CACNA1I: variants seen among roughly 807,000 people sequenced by gnomAD.
The protein encoded by CACNA1I is voltage-dependent T-type calcium channel subunit alpha-1I.
In CACNA1I, 74 loss-of-function variants were observed where a neutral mutation model predicts 201.6. That is an observed-to-expected ratio of 0.37 (90% confidence interval 0.30 to 0.45). The LOEUF (loss-of-function observed/expected upper bound fraction) is 0.45, where lower values mean the gene tolerates loss of function less well. Among genes scored for constraint, CACNA1I ranks in the 20% least tolerant of loss-of-function variants. The pLI is 1.00. For missense variants in CACNA1I, 2,346 were observed against 3,138.1 expected, an observed-to-expected ratio of 0.75 and a Z score of 6.03; for synonymous variants, 1,431 against 1,345.2, an observed-to-expected ratio of 1.06 and a Z score of -1.40.
At chr22:39,592,557 G>A (rs1272120249) in intron 1 of CACNA1I, among the ~76,000 whole-genome samples, 1 of 152,242 alleles carries the variant, frequency 6.6e-6, no homozygotes, top group Non-Finnish European at 1.5e-5. Flanking sequence ...GAGGGGTGAA[G>A]TAGGCGAGGC....
chr22:39,672,922 C>T (rs372992372), intron 27 of CACNA1I, 27 bp from the exon 28 acceptor site: 9 of 1,602,848 alleles, frequency 5.6e-6, no homozygotes, highest in Non-Finnish European at 6.8e-6. Context: ...CATGCCCACT[C>T]CTGCCCTCCC....
intron 1 of CACNA1I, among the ~76,000 whole-genome samples, chr22:39,591,322 C>A (rs1932819288): frequency 6.6e-6 from 1 of 151,568 alleles, no homozygotes; most frequent in African/African-American, 2.4e-5. Flanking sequence ...CCACCACGCC[C>A]AGTTAATTTT....
In CACNA1I at chr22:39,629,796, C is replaced by A. The variant is rs1437115729; in HGVS notation, c.581-4769C>A. Among the ~76,000 whole-genome samples, 1 of 152,200 alleles carries A rather than the reference C, an allele frequency of 6.6e-6. No individual in the cohort carries two copies. Among genetic ancestry groups the A allele is most frequent in the Non-Finnish European group, 1.5e-5 (1 of 68,024 alleles). ...TCAGAGATGTGTATGCCGTTCGGGG[C>A]GCTGTCCACAGGGGCGTCTGCACAG... On this transcript the variant is annotated intron_variant, in intron 4 of 36. Transcript: ENST00000402142. The surrounding 1 kb of genome is among the most constrained non-coding windows in gnomAD (Gnocchi z 4.8).
intron 4 of CACNA1I, among the ~76,000 whole-genome samples, chr22:39,633,157 A>T (rs1934110883): frequency 6.8e-6 from 1 of 147,042 alleles, no homozygotes; most frequent in East Asian, 2.0e-4. Flanking sequence ...CCAATCTTCC[A>T]CTCCCTCCCC....
In CACNA1I at chr22:39,687,051, G is replaced by C. The variant is rs996487238; in HGVS notation, c.*646G>C. ...CTGTCTCGTTATTGTGAAGTCTTTC[G>C]TAGACACCCCAGAGCACACACATCC... On this transcript the variant is annotated 3_prime_UTR_variant, in exon 37 of 37. Coordinates refer to ENST00000402142, the MANE Select transcript of CACNA1I (RefSeq NM_021096.4). The C allele has an allele frequency of 6.6e-6, 1 of 152,062 alleles. No homozygotes were observed. Among genetic ancestry groups the C allele is most frequent in the Non-Finnish European group, 1.5e-5 (1 of 67,998 alleles). The allele number at this position is 152,062 out of a possible 1,614,324, so 9.4% of individuals were successfully genotyped here. A position where few individuals can be genotyped will look rare whatever the true frequency, so the allele number is the denominator to read the frequency against.
chr22:39,578,279 T>G (rs1932427145), intron 1 of CACNA1I, among the ~76,000 whole-genome samples: 1 of 152,108 alleles, frequency 6.6e-6, no homozygotes, highest in Admixed American at 6.5e-5. Context: ...CTCTCAGTTC[T>G]GCTCCAGACA....
Position 39,662,228 on chromosome 22 carries a change from G to A in CACNA1I, c.3165G>A (p.Arg1055=). The change falls in exon 17 of 37, where the codon CGG becomes CGA. Residue 1055 remains arginine, a synonymous_variant. Coordinates refer to ENST00000402142, the MANE Select transcript of CACNA1I (RefSeq NM_021096.4). ...CGCACCGCCACCGCCACCACCGCCGGACGCTGTCCCTCGACAACAGGGACT... is the reference window on the plus strand; with the variant it reads ...CGCACCGCCACCGCCACCACCGCCGAACGCTGTCCCTCGACAACAGGGACT... The part of the protein sequence containing the change: ...HLAHRHRHHR[R]TLSLDNRDSV... 1 of 1,529,146 alleles carries A rather than the reference G, an allele frequency of 6.5e-7. No individual in the cohort carries two copies. The allele number at this position is 1,529,146 out of a possible 1,614,324, so 94.7% of individuals were successfully genotyped here. A position where few individuals can be genotyped will look rare whatever the true frequency, so the allele number is the denominator to read the frequency against.
intron 1 of CACNA1I, among the ~76,000 whole-genome samples, chr22:39,590,619 A>T (rs984237804): frequency 6.6e-6 from 1 of 152,214 alleles, no homozygotes; most frequent in Non-Finnish European, 1.5e-5. Context: ...GAACCAGGTG[A>T]TGGCAGGATG....
intron 29 of CACNA1I, 146 bp downstream of exon 29, chr22:39,674,179 G>A (rs1935453422): frequency 2.7e-6 from 2 of 748,200 alleles, no homozygotes; most frequent in South Asian, 3.4e-5. Context: ...TGAGCCAGGG[G>A]CTGAGAGGCA....
At chr22:39,571,130 C>T (rs575695381) in intron 1 of CACNA1I, 142 bp downstream of exon 1, 8 of 714,692 alleles carry the variant, frequency 1.1e-5, no homozygotes, top group African/African-American at 1.7e-5. Flanking sequence ...TGGTGGTGAG[C>T]GAGCTCAGAG....
intron 3 of CACNA1I, among the ~76,000 whole-genome samples, chr22:39,617,449 A>G (rs1423516453): frequency 2.0e-5 from 3 of 150,686 alleles, no homozygotes; most frequent in South Asian, 2.1e-4. Flanking sequence ...GAACCAAGGC[A>G]GGAGAAAGAG....
chr22:39,657,670 G>A (rs1001973190), intron 10 of CACNA1I, among the ~76,000 whole-genome samples: 7 of 151,892 alleles, frequency 4.6e-5, no homozygotes, highest in African/African-American at 1.7e-4. Flanking sequence ...GTCTGCAGAC[G>A]GGTTCTTGTG....
chr22:39,608,567 A>G (rs1473389891), intron 3 of CACNA1I, among the ~76,000 whole-genome samples: 2 of 151,958 alleles, frequency 1.3e-5, no homozygotes, highest in Non-Finnish European at 2.9e-5. Flanking sequence ...GGCTGAGTGC[A>G]GTGGCTCTTG....
At chr22:39,654,797 C>T (rs1934763229) in intron 10 of CACNA1I, among the ~76,000 whole-genome samples, 1 of 152,032 alleles carries the variant, frequency 6.6e-6, no homozygotes, top group South Asian at 2.1e-4. Context: ...ATAGGTATCC[C>T]CCAAAAGGAC....
chr22:39,595,011 C>T (rs2003151), intron 1 of CACNA1I, among the ~76,000 whole-genome samples: 54,936 of 152,118 alleles, frequency 0.36, 10,936 homozygotes, highest in East Asian at 0.81. Context: ...ACAATCACGC[C>T]AGGCGCGGTG....
intron 10 of CACNA1I, among the ~76,000 whole-genome samples, chr22:39,654,254 T>C (rs1193589416): frequency 6.6e-6 from 1 of 152,164 alleles, no homozygotes; most frequent in Non-Finnish European, 1.5e-5. Flanking sequence ...AAGGCATTGC[T>C]CCTAGGAGCA....
At chr22:39,636,581 GC>G (rs1934225397) in intron 5 of CACNA1I, among the ~76,000 whole-genome samples, 1 of 152,192 alleles carries the variant, frequency 6.6e-6, no homozygotes, top group Non-Finnish European at 1.5e-5. Context: ...GTCATCCCAG[GC>G]CTGTGACTCC....
Position 39,682,668 on chromosome 22 carries a change from G to C in CACNA1I, c.5830+7G>C. On this transcript the variant is annotated splice_region_variant and intron_variant, in intron 35 of 36. Coordinates refer to ENST00000402142, the MANE Select transcript of CACNA1I (RefSeq NM_021096.4). Reference sequence around the variant, plus strand: ...AAACATGACAGCAGTCAAGGTGAGGGGTGGGAGCCCTGCCAGCTCCCCACA... The same window carrying C: ...AAACATGACAGCAGTCAAGGTGAGGCGTGGGAGCCCTGCCAGCTCCCCACA... 1 of 1,609,352 alleles carries C rather than the reference G, an allele frequency of 6.2e-7. No homozygotes were observed. Among genetic ancestry groups the C allele is most frequent in the Non-Finnish European group, 8.5e-7 (1 of 1,177,164 alleles).
chr22:39,633,267 TGACTTA>T (rs1209064552), intron 4 of CACNA1I, among the ~76,000 whole-genome samples: 1 of 152,024 alleles, frequency 6.6e-6, no homozygotes, highest in Non-Finnish European at 1.5e-5. Context: ...AATACTGAGG[TGACTTA>T]GACAAGGGCC....
Sources: allele counts gnomAD v4.1 joint callset (sites outside exome capture counted in the v4.1 genomes callset), GRCh38; gene constraint gnomAD v4.1.1; non-coding constraint Gnocchi (gnomAD v3.1); transcripts MANE v1.5; gene names NCBI Gene and HGNC (gene_info 2026-07-23, HGNC 2026-07-21).